Variants in TFAP2B observed in about 807,000 individuals in gnomAD.
The protein encoded by TFAP2B is transcription factor AP-2 beta, also known as transcription factor AP-2-beta.
In TFAP2B, 9 loss-of-function variants were observed where a neutral mutation model predicts 44.3. The ratio of observed to expected loss-of-function variants is 0.20; its 90% CI spans 0.12 to 0.35. The LOEUF is 0.35. TFAP2B is among the 10% of genes least tolerant of loss of function. The pLI is 1.00. For synonymous variants in TFAP2B, 270 were observed against 263.8 expected (o/e 1.02, Z -0.23); for missense variants, 509 against 600.0 (o/e 0.85, Z 1.59).
At chr6:50,842,140 G>C (rs1446342298) in intron 6 of TFAP2B, among the ~76,000 whole-genome samples, 1 of 152,234 alleles carries the variant, frequency 6.6e-6, no homozygotes, top group Non-Finnish European at 1.5e-5. Flanking sequence ...GGTACAGGCA[G>C]GTGGACATGA....
At chr6:50,837,087 A>C (rs1024240659) in intron 4 of TFAP2B, among the ~76,000 whole-genome samples, 2 of 152,256 alleles carry the variant, frequency 1.3e-5, no homozygotes, top group African/African-American at 4.8e-5. Flanking sequence ...AAAACTTTCC[A>C]AGATGACCCC....
intron 2 of TFAP2B, among the ~76,000 whole-genome samples, chr6:50,826,595 G>A (rs947673652): frequency 7.9e-5 from 12 of 151,358 alleles, no homozygotes; most frequent in Non-Finnish European, 1.5e-4. Context: ...GCGTGTGTGT[G>A]TGTGTCTAGT....
At chr6:50,819,910 G>A (rs986017672) in intron 1 of TFAP2B, among the ~76,000 whole-genome samples, 1 of 151,822 alleles carries the variant, frequency 6.6e-6, no homozygotes, top group African/African-American at 2.4e-5. Context: ...GGCGCGCGGC[G>A]GGCCAGGCTG....
chr6:50,827,753 C>T (rs934105977), intron 2 of TFAP2B, among the ~76,000 whole-genome samples: 1 of 152,208 alleles, frequency 6.6e-6, no homozygotes, highest in African/African-American at 2.4e-5. Context: ...GGATGCACAG[C>T]CAGAACTGTT....
At chr6:50,822,920 G>C (rs6930924) in intron 1 of TFAP2B, among the ~76,000 whole-genome samples, 1 of 151,990 alleles carries the variant, frequency 6.6e-6, no homozygotes, top group Non-Finnish European at 1.5e-5. Flanking sequence ...TTTTAATCAG[G>C]GGGAGCAGCA....
chr6:50,843,298 A>C lies in TFAP2B; in HGVS notation c.1289A>C (p.Lys430Thr), dbSNP rs1211701738. ...ACCGAGGCGCTCAAAGGCATGGACA[A>C]GATGTTCTTGAACAACACCACCACT... Reference protein sequence around the residue: ...YLTEALKGMDKMFLNNTTTNR... With the variant: ...YLTEALKGMDTMFLNNTTTNR... The change falls in exon 7 of 7, where the codon AAG becomes ACG. Residue 430 changes from lysine to threonine, a missense_variant. Transcript: ENST00000393655. 6.2e-7 allele frequency: 1 copy of C among 1,614,228 alleles called. No individual in the cohort carries two copies.
intron 2 of TFAP2B, among the ~76,000 whole-genome samples, chr6:50,827,637 A>G (rs1250533544): frequency 2.0e-5 from 3 of 152,196 alleles, no homozygotes. Flanking sequence ...TTTGGTCCCA[A>G]CTTAGGTTTT....
At chr6:50,842,985 G>A in intron 6 of TFAP2B, 107 bp from the exon 7 acceptor site, 1 of 1,455,882 alleles carries the variant, frequency 6.9e-7, no homozygotes. Context: ...CATTAGCCTC[G>A]CTCTTCGGTG....
chr6:50,827,988 G>T (rs946703434), intron 2 of TFAP2B, among the ~76,000 whole-genome samples: 11 of 152,172 alleles, frequency 7.2e-5, no homozygotes, highest in Non-Finnish European at 1.5e-4. Context: ...TTGCTGGGAA[G>T]CAGCATCAGC....
rs766810513 is a variant in TFAP2B, at chr6:50,836,266, C to T, written c.807C>T (p.Gly269=). The change falls in exon 4 of 7, where the codon GGC becomes GGT. Residue 269 remains glycine (G), a synonymous_variant. Transcript: ENST00000393655. ...PPECLNASLL[G]GVLRRAKSKN... is the part of the protein sequence containing the mutation. ...AATGCCTCAATGCATCTCTCCTCGG[C>T]GGAGTCCTCAGAAGGTAACCCCACC... is the stretch of plus-strand genomic sequence containing the variant. 6.2e-6 allele frequency: 10 copies of T among 1,611,810 alleles called. No individual in the cohort carries two copies. The East Asian group carries it at 2.2e-4, about 36-fold the overall frequency.
At chr6:50,829,879 T>G (rs936970410) in intron 3 of TFAP2B, among the ~76,000 whole-genome samples, 1 of 152,184 alleles carries the variant, frequency 6.6e-6, no homozygotes, top group Non-Finnish European at 1.5e-5. Context: ...CCATTTGGCC[T>G]TGGAATGAAT....
intron 3 of TFAP2B, among the ~76,000 whole-genome samples, chr6:50,831,604 C>T (rs989845833): frequency 1.3e-5 from 2 of 151,994 alleles, no homozygotes; most frequent in Non-Finnish European, 2.9e-5. Flanking sequence ...GTCTAAAAAT[C>T]CAACGAGACA....
chr6:50,828,015 G>A (rs1770575980), intron 2 of TFAP2B, among the ~76,000 whole-genome samples: 1 of 152,148 alleles, frequency 6.6e-6, no homozygotes, highest in South Asian at 2.1e-4. Flanking sequence ...GGGAGGGAGG[G>A]TAAATTGTGA....
At chr6:50,820,132 A>G (rs1770297511) in intron 1 of TFAP2B, among the ~76,000 whole-genome samples, 1 of 151,936 alleles carries the variant, frequency 6.6e-6, no homozygotes, top group South Asian at 2.1e-4. Context: ...AGTTGGAGAG[A>G]AAAGGAAGGA....
upstream of TFAP2B, among the ~76,000 whole-genome samples, chr6:50,818,559 C>A (rs950283517): frequency 2.0e-5 from 3 of 152,148 alleles, no homozygotes; most frequent in African/African-American, 2.4e-5. Flanking sequence ...ATATTAATCA[C>A]CCTGAACAAC....
chr6:50,832,952 A>G (rs1181488828), intron 3 of TFAP2B, among the ~76,000 whole-genome samples: 1 of 152,044 alleles, frequency 6.6e-6, no homozygotes, highest in East Asian at 1.9e-4. Context: ...CAAAAAAGGG[A>G]GGGGAATGAG....
chr6:50,822,533 C>A (rs898634222), intron 1 of TFAP2B, among the ~76,000 whole-genome samples: 2 of 152,320 alleles, frequency 1.3e-5, no homozygotes, highest in African/African-American at 4.8e-5. Context: ...ATACACACCT[C>A]CCCCTTCTTC....
intron 2 of TFAP2B, among the ~76,000 whole-genome samples, chr6:50,825,690 T>C (rs1288723797): frequency 6.6e-6 from 1 of 152,126 alleles, no homozygotes; most frequent in African/African-American, 2.4e-5. Flanking sequence ...GGCCAAGTTG[T>C]TGCTGTCGGG....
intron 3 of TFAP2B, among the ~76,000 whole-genome samples, chr6:50,828,962 T>G (rs1220274897): frequency 6.6e-6 from 1 of 152,244 alleles, no homozygotes; most frequent in Non-Finnish European, 1.5e-5. Context: ...CTTAAATAAT[T>G]GAGCTATCAT....
Sources: allele counts gnomAD v4.1 joint callset (sites outside exome capture counted in the v4.1 genomes callset), GRCh38; gene constraint gnomAD v4.1.1; transcripts MANE v1.5; gene names NCBI Gene and HGNC (gene_info 2026-07-23, HGNC 2026-07-21).